The following GNG4 variants were observed in gnomAD, a reference collection of about 807,000 sequenced individuals.
GNG4 encodes guanine nucleotide-binding protein G(I)/G(S)/G(O) subunit gamma-4.
In GNG4, 4 loss-of-function variants were observed where a neutral mutation model predicts 5.8. The ratio of observed to expected loss-of-function variants is 0.69; its 90% confidence interval spans 0.34 to 1.57. The LOEUF (loss-of-function observed/expected upper bound fraction) is 1.57. Ranked by LOEUF, GNG4 falls within the 40% of genes most tolerant of loss-of-function variation. The pLI, the probability that GNG4 is intolerant of heterozygous loss-of-function variation, is 0.06. For synonymous variants in GNG4, 29 were observed against 32.9 expected (o/e 0.88, Z 0.41); for missense variants, 96 against 95.1 (o/e 1.01, Z -0.04).
At chr1:235,605,895 G>A in intron 1 of GNG4, among the ~76,000 whole-genome samples, 1 of 150,686 alleles carries the variant, frequency 6.6e-6, no homozygotes, top group Non-Finnish European at 1.5e-5. Flanking sequence ...TCAAATGAAG[G>A]GTTATTTAAC....
At chr1:235,587,843 G>A (rs1348885232) in intron 2 of GNG4, among the ~76,000 whole-genome samples, 2 of 150,666 alleles carry the variant, frequency 1.3e-5, no homozygotes, top group African/African-American at 4.9e-5. Context: ...CGGGGTGAAC[G>A]TGTGTGTAAG....
chr1:235,561,147 C>T (rs1366471878), intron 3 of GNG4, among the ~76,000 whole-genome samples: 3 of 151,960 alleles, frequency 2.0e-5, no homozygotes, highest in Non-Finnish European at 4.4e-5. Context: ...GTAGCTGGGA[C>T]TACAGGCGCC....
chr1:235,645,661 G>A (rs944609798), intron 1 of GNG4, among the ~76,000 whole-genome samples: 7 of 152,016 alleles, frequency 4.6e-5, no homozygotes, highest in African/African-American at 1.7e-4. Flanking sequence ...GCCGGGCGCG[G>A]TGGCACATGC....
At chr1:235,630,982 T>C (rs1688921707) in intron 1 of GNG4, among the ~76,000 whole-genome samples, 2 of 151,880 alleles carry the variant, frequency 1.3e-5, no homozygotes, top group Non-Finnish European at 2.9e-5. Flanking sequence ...CACTGCAAGC[T>C]CTGCCTCCCA....
chr1:235,565,462 C>T (rs2102922043), intron 3 of GNG4, among the ~76,000 whole-genome samples: 1 of 152,274 alleles, frequency 6.6e-6, no homozygotes, highest in South Asian at 2.1e-4. Flanking sequence ...CGAGATCGTG[C>T]CACTGCACTC....
chr1:235,639,743 G>C (rs1399721720), intron 1 of GNG4, among the ~76,000 whole-genome samples: 1 of 152,196 alleles, frequency 6.6e-6, no homozygotes, highest in Non-Finnish European at 1.5e-5. Context: ...CCAATCTCAG[G>C]TGATCTGCCC....
intron 1 of GNG4, among the ~76,000 whole-genome samples, chr1:235,608,696 T>A (rs982963821): frequency 2.9e-4 from 44 of 151,956 alleles, no homozygotes; most frequent in African/African-American, 8.7e-4. Flanking sequence ...TATTTTTTTT[T>A]TTTTTGAGAC....
At chr1:235,580,252 G>A (rs536358593) in intron 3 of GNG4, among the ~76,000 whole-genome samples, 1 of 152,294 alleles carries the variant, frequency 6.6e-6, no homozygotes, top group East Asian at 1.9e-4. Context: ...TGGTCACCAG[G>A]CATGGGCAGG....
chr1:235,576,549 C>T (rs1687489070), intron 3 of GNG4, among the ~76,000 whole-genome samples: 1 of 152,032 alleles, frequency 6.6e-6, no homozygotes, highest in African/African-American at 2.4e-5. Flanking sequence ...TTTTGTGAGG[C>T]TATACAGGTT....
At chr1:235,604,311 G>A (rs4130238) in intron 1 of GNG4, among the ~76,000 whole-genome samples, 81,722 of 152,152 alleles carry the variant, frequency 0.54, 22,870 homozygotes, top group Non-Finnish European at 0.62. Flanking sequence ...ATCACCACAC[G>A]GGGGACGAAA....
intron 1 of GNG4, among the ~76,000 whole-genome samples, chr1:235,605,850 A>G (rs552222735): frequency 6.6e-6 from 1 of 151,834 alleles, no homozygotes; most frequent in Non-Finnish European, 1.5e-5. Flanking sequence ...TGCCACACTA[A>G]GAGTGTGGGA....
At chr1:235,564,594 C>T (rs928597029) in intron 3 of GNG4, among the ~76,000 whole-genome samples, 2 of 152,192 alleles carry the variant, frequency 1.3e-5, no homozygotes, top group Non-Finnish European at 2.9e-5. Context: ...CTAGGATTGT[C>T]ATAGTCTACT....
At chr1:235,641,040 G>A (rs1331168926) in intron 1 of GNG4, among the ~76,000 whole-genome samples, 4 of 152,202 alleles carry the variant, frequency 2.6e-5, no homozygotes, top group African/African-American at 9.7e-5. Flanking sequence ...TATATGCTAG[G>A]GGTGAGAGGA....
intron 1 of GNG4, among the ~76,000 whole-genome samples, chr1:235,619,696 G>T (rs975941473): frequency 1.3e-5 from 2 of 152,058 alleles, no homozygotes; most frequent in Admixed American, 6.6e-5. Context: ...CTTTATTATT[G>T]TTATAAAAAC....
chr1:235,593,587 G>A (rs1393406318), intron 2 of GNG4, among the ~76,000 whole-genome samples: 1 of 152,228 alleles, frequency 6.6e-6, no homozygotes, highest in Non-Finnish European at 1.5e-5. Flanking sequence ...CGCGCCGTGA[G>A]TGTTACAATT....
At chr1:235,573,690 T>TGG (rs1687407030) in intron 3 of GNG4, among the ~76,000 whole-genome samples, 2 of 151,834 alleles carry the variant, frequency 1.3e-5, no homozygotes, top group Non-Finnish European at 2.9e-5. Flanking sequence ...GGCAGGAGAA[T>TGG]CACTTGAACC....
chr1:235,622,551 T>G (rs1229781272), intron 1 of GNG4, among the ~76,000 whole-genome samples: 1 of 151,962 alleles, frequency 6.6e-6, no homozygotes, highest in Non-Finnish European at 1.5e-5. Context: ...CCATCTCTAC[T>G]AAAAATACAA....
intron 1 of GNG4, among the ~76,000 whole-genome samples, chr1:235,628,216 C>A (rs562698467): frequency 5.3e-4 from 81 of 152,206 alleles, no homozygotes; most frequent in African/African-American, 1.7e-3. Context: ...ACAACAACAA[C>A]AAAAAACCAG....
intron 3 of GNG4, among the ~76,000 whole-genome samples, chr1:235,581,218 C>T (rs1328111084): frequency 6.6e-6 from 1 of 152,104 alleles, no homozygotes; most frequent in Non-Finnish European, 1.5e-5. Context: ...AACCATCTCC[C>T]TTGGTACTGT....
Sources: gnomAD v4.1 joint callset for allele counts (sites outside exome capture counted in the v4.1 genomes callset) on GRCh38, gnomAD v4.1.1 for gene constraint, MANE v1.5 for transcripts, NCBI Gene and HGNC (gene_info 2026-07-23, HGNC 2026-07-21) for gene names.